The following SDHA variants were observed in gnomAD, a reference collection of about 807,000 sequenced individuals.
The protein encoded by SDHA is succinate dehydrogenase [ubiquinone] flavoprotein subunit, mitochondrial.
A neutral mutation model predicts 78.4 loss-of-function variants in SDHA; 48 were observed. The ratio of observed to expected loss-of-function variants is 0.61; its 90% CI spans 0.49 to 0.78. The LOEUF is 0.78. Ranked by LOEUF, SDHA falls within the 30% of genes least tolerant of loss-of-function variation. The pLI is 0.00. For synonymous variants in SDHA, 326 were observed against 353.9 expected (o/e 0.92, Z 0.88); for missense variants, 680 against 892.7 (o/e 0.76, Z 3.04).
intron 14 of SDHA, among the ~76,000 whole-genome samples, chr5:254,849 C>G (rs1475370827): frequency 6.6e-6 from 1 of 151,952 alleles, no homozygotes. Flanking sequence ...GGGGTGGGGA[C>G]ACACAGCCAT....
intron 12 of SDHA, 61 bp from the exon 13 acceptor site, chr5:251,277 G>A (rs2126632893): frequency 1.9e-6 from 3 of 1,582,922 alleles, no homozygotes; most frequent in Non-Finnish European, 2.6e-6. Flanking sequence ...CAGGCTGACA[G>A]CTCGGAGGGC....
intron 10 of SDHA, among the ~76,000 whole-genome samples, chr5:237,595 G>A (rs1340406799): frequency 2.2e-5 from 3 of 134,470 alleles, no homozygotes; most frequent in African/African-American, 1.1e-4. Context: ...TGAGGCACTG[G>A]TGGATGTTTG....
chr5:257,587 G>T (rs112285360), downstream of SDHA, among the ~76,000 whole-genome samples: 2 of 121,894 alleles, frequency 1.6e-5, no homozygotes, highest in Middle Eastern at 5.6e-3. Context: ...GCCCCTGCCA[G>T]AGCATTACCT....
At chr5:233,065 T>C (rs1361602679) in intron 7 of SDHA, among the ~76,000 whole-genome samples, 1 of 152,268 alleles carries the variant, frequency 6.6e-6, no homozygotes, top group East Asian at 1.9e-4. Context: ...TCATTATTAC[T>C]GTCCTTGTCA....
intron 1 of SDHA, among the ~76,000 whole-genome samples, chr5:220,492 C>T (rs1260080196): frequency 6.6e-6 from 1 of 152,180 alleles, no homozygotes; most frequent in Non-Finnish European, 1.5e-5. Context: ...TGCTTTGCTT[C>T]TTGGGATAAT....
the SDHA span, among the ~76,000 whole-genome samples, chr5:263,454 A>AT: frequency 6.6e-6 from 1 of 152,154 alleles, no homozygotes; most frequent in South Asian, 2.1e-4. Flanking sequence ...GAGAAGCCAA[A>AT]TTTTAAAAGT....
the SDHA span, among the ~76,000 whole-genome samples, chr5:262,286 G>A: frequency 3.5e-4 from 42 of 118,990 alleles, no homozygotes; most frequent in African/African-American, 3.1e-4. Context: ...TCCGCCTCCC[G>A]ACAGAGCATT....
chr5:241,586 C>A (rs1208786544), intron 11 of SDHA, among the ~76,000 whole-genome samples: 1 of 152,254 alleles, frequency 6.6e-6, no homozygotes, highest in African/African-American at 2.4e-5. Context: ...GAACCTGATA[C>A]ATGGTCAGTC....
downstream of SDHA, among the ~76,000 whole-genome samples, chr5:259,341 C>T (rs1225744951): frequency 1.1e-4 from 5 of 47,492 alleles, no homozygotes; most frequent in African/African-American, 2.8e-4. Context: ...CTCCGCCCCC[C>T]GCCAGAGCAT....
chr5:247,817 C>T (rs1228867639), intron 11 of SDHA, among the ~76,000 whole-genome samples: 2 of 152,206 alleles, frequency 1.3e-5, no homozygotes, highest in Non-Finnish European at 2.9e-5. Flanking sequence ...GCTATACTAG[C>T]CAAGCTCTAG....
intron 9 of SDHA, 103 bp downstream of exon 9, chr5:235,442 C>T: frequency 8.7e-7 from 1 of 1,147,374 alleles, no homozygotes; most frequent in Non-Finnish European, 1.3e-6. Context: ...ATAGATGTTT[C>T]CTTCAAGAAA....
In SDHA at chr5:225,579, T is replaced by C. The variant is rs1350429949; in HGVS notation, c.456+17T>C. The C allele has an allele frequency of 4.3e-6, 7 of 1,613,878 alleles. No homozygotes were observed. The East Asian group carries it at 1.3e-4, about 31-fold the overall frequency. On this transcript the variant is annotated intron_variant, in intron 4 of 14. Coordinates refer to ENST00000264932, the MANE Select transcript of SDHA (RefSeq NM_004168.4). ...GTGGTCGAGGTGATGGGCGGGAGGC[T>C]CTGGGTGTTCTCGTGGTCTGTTTCT... is the stretch of plus-strand genomic sequence containing the variant.
downstream of SDHA, among the ~76,000 whole-genome samples, chr5:258,706 G>C (rs547820852): frequency 9.8e-6 from 1 of 101,896 alleles, no homozygotes; most frequent in Non-Finnish European, 1.8e-5. Context: ...TCCGCCTCCC[G>C]CCAGAGCATT....
chr5:251,571 A>G (rs1478613958), intron 13 of SDHA, 103 bp downstream of exon 13: 10 of 1,582,692 alleles, frequency 6.3e-6, no homozygotes, highest in Non-Finnish European at 8.6e-6. Flanking sequence ...CGTTGCCCCA[A>G]AAGTAAATCC....
In SDHA at chr5:256,755, T is replaced by G. The variant is rs1737226954; in HGVS notation, c.*335T>G. 3.0e-6 allele frequency: 1 copy of G among 338,182 alleles called. No homozygotes were observed. Among genetic ancestry groups the G allele is most frequent in the African/African-American group, 2.1e-5 (1 of 47,530 alleles). 20.9% of individuals were successfully genotyped at this position (338,182 alleles called of 1,614,324 possible). On this transcript the variant is annotated 3_prime_UTR_variant, in exon 15 of 15. Coordinates refer to ENST00000264932, the MANE Select transcript of SDHA (RefSeq NM_004168.4). ...TTAGTCATATTTGTTGACCTAAAAA[T>G]CAAATGTAATCTTTGTATTGTGTTA... is the stretch of plus-strand genomic sequence containing the variant.
chr5:224,230 G>C, intron 2 of SDHA, 130 bp from the exon 3 acceptor site: 1 of 972,590 alleles, frequency 1.0e-6, no homozygotes, highest in East Asian at 2.4e-5. Context: ...CTCAGCCCCA[G>C]GACAGGATGG....
chr5:262,417 A>G, the SDHA span, among the ~76,000 whole-genome samples: 7 of 142,034 alleles, frequency 4.9e-5, no homozygotes, highest in African/African-American at 1.8e-4. Flanking sequence ...GCCCCCTGTC[A>G]TATCATTACT....
intron 11 of SDHA, among the ~76,000 whole-genome samples, chr5:245,603 A>T (rs1385750431): frequency 6.6e-6 from 1 of 152,238 alleles, no homozygotes; most frequent in Admixed American, 6.5e-5. Context: ...CAATGTTATG[A>T]TCATTTGCAA....
chr5:238,910 A>T (rs10053800), intron 10 of SDHA, among the ~76,000 whole-genome samples: 1 of 148,052 alleles, frequency 6.8e-6, no homozygotes, highest in African/African-American at 2.6e-5. Flanking sequence ...GCAGTGAGCC[A>T]AGATCACACC....
Sources: allele counts gnomAD v4.1 joint callset (sites outside exome capture counted in the v4.1 genomes callset), GRCh38; gene constraint gnomAD v4.1.1; transcripts MANE v1.5; gene names NCBI Gene and HGNC (gene_info 2026-07-23, HGNC 2026-07-21).